Variants in CNBD1 observed in about 807,000 individuals in gnomAD.
CNBD1 encodes the protein cyclic nucleotide-binding domain-containing protein 1.
A neutral mutation model predicts 54.4 loss-of-function variants in CNBD1; 71 were observed. That is an observed-to-expected ratio of 1.30 (90% CI 1.08 to 1.59). The LOEUF (loss-of-function observed/expected upper bound fraction) is 1.59. Among genes scored for constraint, CNBD1 ranks in the 40% most tolerant of loss-of-function variants. The pLI is 0.00. For synonymous variants in CNBD1, 182 were observed against 170.7 expected, an observed-to-expected ratio of 1.07 and a Z score of -0.51; for missense variants, 659 against 518.0, an observed-to-expected ratio of 1.27 and a Z score of -2.64.
intron 7 of CNBD1, among the ~76,000 whole-genome samples, chr8:87,286,049 T>C (rs537561150): frequency 6.6e-6 from 1 of 152,286 alleles, no homozygotes; most frequent in East Asian, 1.9e-4. Flanking sequence ...GGGTCTCCAG[T>C]GGTGGGGAAT....
At chr8:86,885,282 G>T (rs1316872861) in intron 1 of CNBD1, among the ~76,000 whole-genome samples, 1 of 152,038 alleles carries the variant, frequency 6.6e-6, no homozygotes. Flanking sequence ...CAAAACATTG[G>T]AATTTAGTTC....
intron 2 of CNBD1, chr8:87,428,489 T>TCTTTTTG (rs1554589783): frequency 2.1e-5 from 8 of 374,508 alleles, no homozygotes; most frequent in South Asian, 5.8e-5. Flanking sequence ...CAATTGCTCT[T>TCTTTTTG]TTTATGAAGA....
chr8:87,177,784 A>G (rs55920403), intron 4 of CNBD1, among the ~76,000 whole-genome samples: 36,188 of 152,140 alleles, frequency 0.24, 4,338 homozygotes, highest in South Asian at 0.29. Context: ...TTAAATAAAT[A>G]TCTATTTTTT....
intron 2 of CNBD1, among the ~76,000 whole-genome samples, chr8:87,422,964 T>G (rs964752259): frequency 4.6e-5 from 7 of 151,912 alleles, no homozygotes; most frequent in African/African-American, 1.7e-4. Flanking sequence ...CAGCGGTTTG[T>G]AGTTCTCCTT....
At chr8:87,403,898 C>T (rs1456794440) in intron 2 of CNBD1, among the ~76,000 whole-genome samples, 1 of 151,958 alleles carries the variant, frequency 6.6e-6, no homozygotes, top group Non-Finnish European at 1.5e-5. Flanking sequence ...TCTATGAAAG[C>T]CACTCTCCCC....
intron 8 of CNBD1, among the ~76,000 whole-genome samples, chr8:87,292,591 T>A (rs1044649734): frequency 1.4e-4 from 22 of 152,082 alleles, no homozygotes; most frequent in African/African-American, 2.2e-4. Context: ...TAAGAAAAAA[T>A]TTTGGTGAAT....
At chr8:86,905,349 TGGTAAG>T (rs1417266321) in intron 3 of CNBD1, among the ~76,000 whole-genome samples, 155 bp downstream of exon 3, 1 of 152,194 alleles carries the variant, frequency 6.6e-6, no homozygotes, top group Non-Finnish European at 1.5e-5. Flanking sequence ...AGAAATTAGT[TGGTAAG>T]GGTAAATTCA....
At chr8:86,984,052 C>T (rs1249776041) in intron 4 of CNBD1, among the ~76,000 whole-genome samples, 1 of 152,180 alleles carries the variant, frequency 6.6e-6, no homozygotes, top group African/African-American at 2.4e-5. Flanking sequence ...AAAACGGTTT[C>T]ATGGGCTGGG....
chr8:87,208,294 C>G (rs1184218557), intron 5 of CNBD1, among the ~76,000 whole-genome samples: 1 of 151,976 alleles, frequency 6.6e-6, no homozygotes, highest in Non-Finnish European at 1.5e-5. Flanking sequence ...AATAATCGAA[C>G]AGTAATAGGA....
At chr8:87,376,566 T>C (rs1000141645) in intron 10 of CNBD1, among the ~76,000 whole-genome samples, 2 of 151,886 alleles carry the variant, frequency 1.3e-5, no homozygotes, top group African/African-American at 4.8e-5. Flanking sequence ...TGAAACCACA[T>C]AGCAACATGC....
intron 4 of CNBD1, among the ~76,000 whole-genome samples, chr8:87,106,463 A>G (rs866242936): frequency 1.3e-5 from 2 of 152,166 alleles, no homozygotes; most frequent in Admixed American, 6.5e-5. Context: ...CACCTGCCTC[A>G]GCCTCCTCAA....
At chr8:87,332,757 A>G (rs1174526956) in intron 8 of CNBD1, among the ~76,000 whole-genome samples, 1 of 152,088 alleles carries the variant, frequency 6.6e-6, no homozygotes, top group Non-Finnish European at 1.5e-5. Flanking sequence ...TTGTACAAGT[A>G]CCATGCTGTT....
chr8:87,405,619 G>A (rs1183345889), intron 2 of CNBD1, among the ~76,000 whole-genome samples: 5 of 152,018 alleles, frequency 3.3e-5, no homozygotes, highest in African/African-American at 9.7e-5. Flanking sequence ...AACTACAAGG[G>A]TGATGGTCTG....
chr8:87,023,330 A>G (rs1413710243), intron 4 of CNBD1, among the ~76,000 whole-genome samples: 1 of 152,222 alleles, frequency 6.6e-6, no homozygotes, highest in Non-Finnish European at 1.5e-5. Context: ...CCATTAAAAT[A>G]TACCTTTAAA....
chr8:87,324,532 G>A (rs1175812509), intron 8 of CNBD1, among the ~76,000 whole-genome samples: 1 of 145,382 alleles, frequency 6.9e-6, no homozygotes, highest in Non-Finnish European at 1.5e-5. Context: ...TTAGTCTTGG[G>A]AGAGTGTATG....
At chr8:87,302,268 C>T (rs1250472508) in intron 8 of CNBD1, among the ~76,000 whole-genome samples, 1 of 152,158 alleles carries the variant, frequency 6.6e-6, no homozygotes, top group African/African-American at 2.4e-5. Flanking sequence ...AATCCAGCAG[C>T]ACATCAAAAA....
At chr8:86,923,060 C>G (rs1216847535) in intron 3 of CNBD1, among the ~76,000 whole-genome samples, 10 of 152,026 alleles carry the variant, frequency 6.6e-5, no homozygotes, top group Non-Finnish European at 1.0e-4. Flanking sequence ...AGGTCCTTGG[C>G]GTTTTTAACA....
chr8:87,257,369 C>CAAAAA (rs771338208), intron 6 of CNBD1, among the ~76,000 whole-genome samples: 4 of 67,542 alleles, frequency 5.9e-5, no homozygotes, highest in Admixed American at 1.8e-4. Context: ...AACTCTATCG[C>CAAAAA]AAAAAAAAAA....
intron 2 of CNBD1, among the ~76,000 whole-genome samples, chr8:87,398,573 T>C (rs371069428): frequency 7.2e-5 from 11 of 152,036 alleles, no homozygotes; most frequent in African/African-American, 2.7e-4. Flanking sequence ...TGCTTACATT[T>C]CCATAAAACC....
Sources: gnomAD v4.1 joint callset for allele counts (sites outside exome capture counted in the v4.1 genomes callset) on GRCh38, gnomAD v4.1.1 for gene constraint, MANE v1.5 for transcripts, NCBI Gene and HGNC (gene_info 2026-07-23, HGNC 2026-07-21) for gene names.